SBF2: variants seen among roughly 807,000 people sequenced by gnomAD.
The protein encoded by SBF2 is myotubularin-related protein 13.
Under a neutral mutation model 225.2 loss-of-function variants are expected in SBF2, and 112 were observed. That is an observed-to-expected ratio of 0.50 (90% confidence interval 0.43 to 0.58). The LOEUF (loss-of-function observed/expected upper bound fraction) is 0.58, where lower values mean the gene tolerates loss of function less well. Among genes scored for constraint, SBF2 ranks in the 20% least tolerant of loss-of-function variants. The pLI is 0.00. For synonymous variants in SBF2, 763 were observed against 773.3 expected (o/e 0.99, Z 0.22); for missense variants, 1,996 against 2,206.2 (o/e 0.90, Z 1.91).
intron 13 of SBF2, among the ~76,000 whole-genome samples, chr11:9,971,805 T>C (rs1441854597): frequency 6.6e-6 from 1 of 152,132 alleles, no homozygotes; most frequent in Non-Finnish European, 1.5e-5. Flanking sequence ...AGACCAAAAA[T>C]AGTCAAGGAA....
intron 32 of SBF2, among the ~76,000 whole-genome samples, chr11:9,805,958 G>T (rs1447652564): frequency 6.6e-6 from 1 of 152,204 alleles, no homozygotes; most frequent in Non-Finnish European, 1.5e-5. Context: ...GGTGGTAAGA[G>T]CATGAACAAG....
At position 10,210,867 on chromosome 11, in the gene SBF2, G is replaced by A. The variant is rs1399652762; in HGVS notation, c.56-16880C>T. Among the ~76,000 whole-genome samples, 4 of 151,864 alleles carry A rather than the reference G, an allele frequency of 2.6e-5. No homozygotes were observed. In the East Asian group the frequency reaches 7.7e-4, roughly 29 times the overall value. ...GTCTCTGCTGAAAGTACAAAAATTA[G>A]CTGGATGTGGTGGCAAGTGCCTGTA... On this transcript the variant is annotated intron_variant, in intron 1 of 39. Transcript: ENST00000256190.
At chr11:9,957,926 A>G (rs1372385580) in intron 16 of SBF2, 1 of 151,820 alleles carries the variant, frequency 6.6e-6, no homozygotes, top group Non-Finnish European at 1.5e-5. Context: ...GTCCCACACA[A>G]GCAGGAGACC....
intron 16 of SBF2, among the ~76,000 whole-genome samples, chr11:9,899,338 T>TTAA (rs533781361): frequency 7.2e-6 from 1 of 138,204 alleles, no homozygotes; most frequent in African/African-American, 2.7e-5. Context: ...TACAAAAAAT[T>TTAA]AAAAAAAAAA....
intron 1 of SBF2, among the ~76,000 whole-genome samples, chr11:10,286,784 G>T (rs1374227618): frequency 2.0e-5 from 3 of 152,096 alleles, no homozygotes; most frequent in Non-Finnish European, 4.4e-5. Flanking sequence ...AATTTAAAAA[G>T]AATAACTGAA....
intron 2 of SBF2, among the ~76,000 whole-genome samples, chr11:10,176,108 T>C (rs1447986244): frequency 1.0e-5 from 1 of 96,624 alleles, no homozygotes; most frequent in East Asian, 2.4e-4. Context: ...CATAACGAAA[T>C]GAAGGCAGAA....
intron 16 of SBF2, among the ~76,000 whole-genome samples, chr11:9,910,493 A>G (rs1200575843): frequency 6.6e-6 from 1 of 152,148 alleles, no homozygotes; most frequent in Non-Finnish European, 1.5e-5. Flanking sequence ...TAATGGTAAA[A>G]TAGCCCAAGG....
At chr11:10,196,851 TATATATATA>T (rs1412233856) in intron 1 of SBF2, among the ~76,000 whole-genome samples, 4 of 20,882 alleles carry the variant, frequency 1.9e-4, no homozygotes, top group Non-Finnish European at 7.0e-4. Context: ...TATATATATA[TATATATATA>T]TATATATTTT....
chr11:10,154,609 G>C (rs1955379561), intron 2 of SBF2, among the ~76,000 whole-genome samples: 1 of 152,094 alleles, frequency 6.6e-6, no homozygotes, highest in Non-Finnish European at 1.5e-5. Flanking sequence ...CTGTGAGTCT[G>C]TTTCTAGTAA....
intron 16 of SBF2, among the ~76,000 whole-genome samples, chr11:9,936,996 C>A (rs1864945135): frequency 6.6e-6 from 1 of 152,134 alleles, no homozygotes; most frequent in Non-Finnish European, 1.5e-5. Flanking sequence ...CACCTCCCAA[C>A]ACCAACACAT....
intron 3 of SBF2, among the ~76,000 whole-genome samples, chr11:10,041,398 G>A (rs1341667741): frequency 6.6e-6 from 1 of 152,120 alleles, no homozygotes; most frequent in East Asian, 1.9e-4. Flanking sequence ...ACTTCAAATA[G>A]AAGCAACAGG....
chr11:9,838,031 C>T (rs996379826), intron 26 of SBF2: 3 of 121,642 alleles, frequency 2.5e-5, no homozygotes, highest in African/African-American at 9.3e-5. Context: ...CCACTGAGCC[C>T]AGCCACTTTT....
At chr11:9,794,703 A>AAAAAAAAAAAAAC (rs1852999171) in intron 33 of SBF2, among the ~76,000 whole-genome samples, 2 of 146,152 alleles carry the variant, frequency 1.4e-5, no homozygotes, top group Non-Finnish European at 3.0e-5. Context: ...AAAAAAAAAA[A>AAAAAAAAAAAAAC]AAAAGACCAG....
At chr11:9,991,243 C>T (rs1461504564) in intron 12 of SBF2, among the ~76,000 whole-genome samples, 1 of 152,090 alleles carries the variant, frequency 6.6e-6, no homozygotes, top group African/African-American at 2.4e-5. Context: ...AAAACTTGTC[C>T]ACCTCAGGAT....
At chr11:10,295,790 C>T (rs1265888626), upstream of SBF2, among the ~76,000 whole-genome samples, 1 of 152,012 alleles carries the variant, frequency 6.6e-6, no homozygotes, top group African/African-American at 2.4e-5. Context: ...TCCCCTGATT[C>T]TGCTCTCCGG....
At chr11:9,822,355 G>A (rs1184439427) in intron 28 of SBF2, among the ~76,000 whole-genome samples, 1 of 151,584 alleles carries the variant, frequency 6.6e-6, no homozygotes, top group African/African-American at 2.4e-5. Context: ...CCGCCTCCCG[G>A]GTTCAAGCCA....
At chr11:10,164,541 A>G (rs1321247119) in intron 2 of SBF2, among the ~76,000 whole-genome samples, 1 of 152,232 alleles carries the variant, frequency 6.6e-6, no homozygotes, top group Non-Finnish European at 1.5e-5. Flanking sequence ...CTTTTAACAC[A>G]TAAGTTACAC....
chr11:10,248,600 T>C (rs1417525846), intron 1 of SBF2, among the ~76,000 whole-genome samples: 1 of 152,210 alleles, frequency 6.6e-6, no homozygotes, highest in East Asian at 1.9e-4. Flanking sequence ...AACAGTGTAA[T>C]GTATATTTGA....
At chr11:10,042,771 A>G in intron 3 of SBF2, 73 bp downstream of exon 3, 1 of 1,533,496 alleles carries the variant, frequency 6.5e-7, no homozygotes, top group Non-Finnish European at 9.0e-7. Context: ...GTTGTAACAA[A>G]AATATGGCAT....
Sources: allele counts gnomAD v4.1 joint callset (sites outside exome capture counted in the v4.1 genomes callset), GRCh38; gene constraint gnomAD v4.1.1; transcripts MANE v1.5; gene names NCBI Gene and HGNC (gene_info 2026-07-23, HGNC 2026-07-21).